The following DGKH variants were observed in gnomAD, a reference collection of about 807,000 sequenced individuals.
The protein encoded by DGKH is DAG kinase eta.
In DGKH, 90 loss-of-function variants were observed where a neutral mutation model predicts 159.3. The ratio of observed to expected loss-of-function variants is 0.57; its 90% CI spans 0.48 to 0.67. DGKH has a LOEUF of 0.67. Ranked by LOEUF, DGKH falls within the 30% of genes least tolerant of loss-of-function variation. The probability of loss-of-function intolerance (pLI) is 0.00; values close to 1 mark genes in which losing one functional copy is unlikely to be tolerated. For missense variants in DGKH, 1,181 were observed against 1,506.1 expected, an observed-to-expected ratio of 0.78 and a Z score of 3.57; for synonymous variants, 536 against 553.8, an observed-to-expected ratio of 0.97 and a Z score of 0.45.
chr13:42,182,738 G>T (rs982504826), intron 13 of DGKH, among the ~76,000 whole-genome samples: 1 of 152,146 alleles, frequency 6.6e-6, no homozygotes, highest in African/African-American at 2.4e-5. Flanking sequence ...CTGTATGTGT[G>T]TGTGTGTGCT....
intron 21 of DGKH, among the ~76,000 whole-genome samples, chr13:42,208,240 T>C (rs948523722): frequency 6.6e-6 from 1 of 152,182 alleles, no homozygotes; most frequent in African/African-American, 2.4e-5. Flanking sequence ...TATTACTTTA[T>C]ACTGAAAATT....
In DGKH at chr13:42,230,177, A is replaced by G. The variant is rs997577651; in HGVS notation, c.*989A>G. 4 of 143,030 alleles carry G rather than the reference A, an allele frequency of 2.8e-5. No homozygotes were observed. Among genetic ancestry groups the G allele is most frequent in the African/African-American group, 9.8e-5 (4 of 40,644 alleles). 8.9% of individuals were successfully genotyped at this position (143,030 alleles called of 1,614,324 possible). ...CAATTTAATAATTATTTAATATTCT[A>G]TTTGAATTTATAATATAGTAAAGTG... On this transcript the variant is annotated 3_prime_UTR_variant, in exon 30 of 30. Transcript: ENST00000337343.
intron 1 of DGKH, among the ~76,000 whole-genome samples, chr13:42,116,052 A>G (rs1954962785): frequency 6.6e-6 from 1 of 152,226 alleles, no homozygotes; most frequent in South Asian, 2.1e-4. Context: ...TTAAAGAATT[A>G]TATATTATTT....
chr13:42,210,533 T>G (rs1471095390), intron 23 of DGKH, 69 bp from the exon 24 acceptor site: 9 of 1,436,688 alleles, frequency 6.3e-6, no homozygotes, highest in African/African-American at 5.7e-5. Flanking sequence ...GTAGTTTTAT[T>G]AAAGCACACA....
rs771193784 is a variant in DGKH, at chr13:42,048,845, G to T, written c.72G>T (p.Ala24=). 7.4e-7 allele frequency: 1 copy of T among 1,360,510 alleles called. No individual in the cohort carries two copies. The highest frequency in any genetic ancestry group is 1.5e-5 in the African/African-American group (1 of 66,290). 84.3% of individuals were successfully genotyped at this position (1,360,510 alleles called of 1,614,324 possible). A position where few individuals can be genotyped will look rare whatever the true frequency, so the allele number is the denominator to read the frequency against. ...GAGCGGCCGCCGGAGCCGGCGCCGC[G>T]GTCACCTCCGCCGCTGCCTCGGCGG... ...AGGAAAGAGA[A]VTSAAASAGP... Residue 24 remains alanine, a synonymous_variant, in exon 1 of 30, where the codon GCG becomes GCT. Transcript: ENST00000337343. This position sits in a 1 kb window ranked among gnomAD's most constrained non-coding sequence, Gnocchi z 6.7.
chr13:42,139,799 T>G (rs1955495126), intron 3 of DGKH, among the ~76,000 whole-genome samples: 1 of 152,372 alleles, frequency 6.6e-6, no homozygotes, highest in African/African-American at 2.4e-5. Context: ...ACCAAATTTT[T>G]AAAAAGTTTT....
chr13:42,087,460 T>G (rs908085499), intron 1 of DGKH, among the ~76,000 whole-genome samples: 4 of 151,778 alleles, frequency 2.6e-5, no homozygotes, highest in African/African-American at 9.7e-5. Context: ...ATGTAACCAA[T>G]AGAAAAGGGG....
intron 3 of DGKH, among the ~76,000 whole-genome samples, chr13:42,148,436 T>A (rs1005886674): frequency 6.6e-6 from 1 of 152,152 alleles, no homozygotes; most frequent in African/African-American, 2.4e-5. Flanking sequence ...GGAATCCTTT[T>A]TTATCTCTGT....
rs1204951678 is a variant in DGKH, at chr13:42,206,981, T to TTCTC, written c.2601+838_2601+839insCTCT. ...ACCTTTTGGTACTTTTACTTTTTCT[T>TTCTC]TCTTTCTTTCTTTCTTTCTTTCTTT... On this transcript the variant is annotated intron_variant, in intron 21 of 29. Transcript: ENST00000337343. Among the ~76,000 whole-genome samples the TTCTC allele has an allele frequency of 7.0e-4, 55 of 78,786 alleles. No individual in the cohort carries two copies. The East Asian group carries it at 0.015, about 22-fold the overall frequency. The allele number at this position is 78,786 out of a possible 152,430, so 51.7% of individuals were successfully genotyped here.
In DGKH at chr13:42,135,489, C is replaced by CACAAAAAAAAAAAAAAAAAAAAAA. The variant is rs1223953901; in HGVS notation, c.384+5858_384+5859insCAAAAAAAAAAAAAAAAAAAAAAA. ...TGGGTGGCAGAGAAAGACCCTGTCT[C>CACAAAAAAAAAAAAAAAAAAAAAA]AGAAAAAAAAAAAAAAAAAGAGAGA... On this transcript the variant is annotated intron_variant, in intron 3 of 29. Coordinates refer to ENST00000337343, the MANE Select transcript of DGKH (RefSeq NM_178009.5). 7.1e-3 allele frequency among the ~76,000 whole-genome samples: 362 copies of CACAAAAAAAAAAAAAAAAAAAAAA among 50,814 alleles called. 18 individuals carry two copies. Among genetic ancestry groups the CACAAAAAAAAAAAAAAAAAAAAAA allele is most frequent in the Middle Eastern group, 0.028 (2 of 72 alleles). The allele number at this position is 50,814 out of a possible 152,430, so 33.3% of individuals were successfully genotyped here. A position where few individuals can be genotyped will look rare whatever the true frequency, so the allele number is the denominator to read the frequency against.
At position 42,240,271 on chromosome 13, in the gene DGKH, T is replaced by G. The variant is rs543752250; in HGVS notation, c.*11083T>G. ...GTAAGTGTGCATTCATGAGCATGTG[T>G]GCACTCTGGGCAAACCAACAGAAGA... On this transcript the variant is annotated 3_prime_UTR_variant, in exon 30 of 30. Transcript: ENST00000337343. 2 of 152,358 alleles carry G rather than the reference T, an allele frequency of 1.3e-5. No homozygotes were observed. The highest frequency in any genetic ancestry group is 4.8e-5 in the African/African-American group (2 of 41,594). The allele number at this position is 152,358 out of a possible 1,614,324, so 9.4% of individuals were successfully genotyped here. A position where few individuals can be genotyped will look rare whatever the true frequency, so the allele number is the denominator to read the frequency against.
rs1163005292 is a variant in DGKH at position 42,160,305 on chromosome 13, G to A, written c.855+169G>A. Among the ~76,000 whole-genome samples, 7 of 152,314 alleles carry A rather than the reference G, an allele frequency of 4.6e-5. No homozygotes were observed. The East Asian group carries it at 1.3e-3, about 29-fold the overall frequency. ...CTTACAGTATAGTCCTCCTAGTCTG[G>A]TCATTGTTTCAAATGCCCTGTAAAA... On this transcript the variant is annotated intron_variant, in intron 7 of 29. Transcript: ENST00000337343.
chr13:42,254,184 G>C (rs1464117812), intron 30 of DGKH, among the ~76,000 whole-genome samples: 4 of 152,084 alleles, frequency 2.6e-5, no homozygotes, highest in Non-Finnish European at 5.9e-5. Flanking sequence ...AAAATAAATA[G>C]AGGAATGTTC....
At chr13:42,191,071 A>G (rs547713603) in intron 16 of DGKH, among the ~76,000 whole-genome samples, 3 of 152,178 alleles carry the variant, frequency 2.0e-5, no homozygotes, top group African/African-American at 2.4e-5. Flanking sequence ...TGTCAAAACT[A>G]TTTTGGTAAG....
chr13:42,137,134 A>G (rs184728772), intron 3 of DGKH, among the ~76,000 whole-genome samples: 41 of 152,248 alleles, frequency 2.7e-4, no homozygotes, highest in African/African-American at 9.4e-4. Flanking sequence ...TCTCTCTTAG[A>G]GGGAGATCAC....
chr13:42,070,037 A>G (rs1337202965), intron 1 of DGKH: 10 of 905,472 alleles, frequency 1.1e-5, no homozygotes, highest in Non-Finnish European at 1.9e-5. Context: ...TCCCAGTTAT[A>G]AATGTGACTG....
intron 1 of DGKH, among the ~76,000 whole-genome samples, chr13:42,108,479 T>C (rs996870525): frequency 5.9e-5 from 9 of 152,134 alleles, no homozygotes; most frequent in Non-Finnish European, 1.2e-4. Flanking sequence ...TAGAGTGACT[T>C]TTACCCAGTG....
At chr13:42,149,660 T>G (rs1223356617) in intron 3 of DGKH, among the ~76,000 whole-genome samples, 2 of 152,250 alleles carry the variant, frequency 1.3e-5, no homozygotes, top group Non-Finnish European at 2.9e-5. Flanking sequence ...ACCCTTCACC[T>G]TTGCCCATCA....
At chr13:42,123,061 C>T (rs1955106267) in intron 1 of DGKH, among the ~76,000 whole-genome samples, 1 of 152,166 alleles carries the variant, frequency 6.6e-6, no homozygotes, top group African/African-American at 2.4e-5. Context: ...TGTACATTCA[C>T]CATTTGCTAC....
Sources: allele counts gnomAD v4.1 joint callset (sites outside exome capture counted in the v4.1 genomes callset), GRCh38; gene constraint gnomAD v4.1.1; non-coding constraint Gnocchi (gnomAD v3.1); transcripts MANE v1.5; gene names NCBI Gene and HGNC (gene_info 2026-07-23, HGNC 2026-07-21).